The following ATF2 variants were observed in gnomAD, a reference collection of about 807,000 sequenced individuals.
ATF2 encodes cyclic AMP-dependent transcription factor ATF-2.
Under a neutral mutation model 60.6 loss-of-function variants are expected in ATF2, and 24 were observed. That is an observed-to-expected ratio of 0.40 (90% CI 0.29 to 0.56). The LOEUF (loss-of-function observed/expected upper bound fraction) is 0.56. Ranked by LOEUF, ATF2 falls within the 20% of genes least tolerant of loss-of-function variation. ATF2 has a pLI of 0.54. For synonymous variants in ATF2, 206 were observed against 215.4 expected (o/e 0.96, Z 0.38); for missense variants, 433 against 607.7 (o/e 0.71, Z 3.02).
chr2:175,160,733 A>C (rs535178653), intron 1 of ATF2, among the ~76,000 whole-genome samples: 1 of 152,158 alleles, frequency 6.6e-6, no homozygotes, highest in East Asian at 1.9e-4. Context: ...AATGTTTATA[A>C]TAGGATTGGT....
At chr2:175,128,499 T>C (rs1697506948) in intron 4 of ATF2, among the ~76,000 whole-genome samples, 1 of 136,870 alleles carries the variant, frequency 7.3e-6, no homozygotes, top group Non-Finnish European at 1.5e-5. Context: ...AAATTCCGTC[T>C]CAAAAAAAAA....
chr2:175,149,516 C>A (rs1037019287), intron 2 of ATF2, among the ~76,000 whole-genome samples: 1 of 152,100 alleles, frequency 6.6e-6, no homozygotes, highest in African/African-American at 2.4e-5. Flanking sequence ...CATAAGAAAA[C>A]TGGCAAAAAA....
chr2:175,123,135 C>T (rs1389128007), intron 4 of ATF2, among the ~76,000 whole-genome samples: 1 of 152,034 alleles, frequency 6.6e-6, no homozygotes. Flanking sequence ...CAGGTACTGT[C>T]TTCCTATTAC....
intron 2 of ATF2, among the ~76,000 whole-genome samples, chr2:175,144,288 A>G (rs886185493): frequency 4.6e-5 from 7 of 152,200 alleles, no homozygotes; most frequent in African/African-American, 7.2e-5. Flanking sequence ...GAGGTCAAAA[A>G]TGGGACAAAA....
Position 175,072,801 on chromosome 2 carries a change from T to A in ATF2, c.*1808A>T, listed in dbSNP as rs931665148. 6 of 152,232 alleles carry A rather than the reference T, an allele frequency of 3.9e-5. No individual in the cohort carries two copies. The highest frequency in any genetic ancestry group is 3.4e-3 in the Middle Eastern group (1 of 294). The allele number at this position is 152,232 out of a possible 1,614,324, so 9.4% of individuals were successfully genotyped here. A position where few individuals can be genotyped will look rare whatever the true frequency, so the allele number is the denominator to read the frequency against. On this transcript the variant is annotated 3_prime_UTR_variant, in exon 14 of 14. Coordinates refer to ENST00000264110, the MANE Select transcript of ATF2 (RefSeq NM_001880.4). ...AAAATTAAAAATTTAAAAAAAATTA[T>A]CAAATAAAAATGCTCTCATTTTAAA...
At chr2:175,144,080 C>T (rs1698776931) in intron 2 of ATF2, among the ~76,000 whole-genome samples, 1 of 152,098 alleles carries the variant, frequency 6.6e-6, no homozygotes, top group Non-Finnish European at 1.5e-5. Flanking sequence ...AGGCATGAGG[C>T]ACTGCACCTG....
Position 175,093,035 on chromosome 2 carries a change from A to G in ATF2, c.1185+26T>C, listed in dbSNP as rs774086689. 6 of 1,585,570 alleles carry G rather than the reference A, an allele frequency of 3.8e-6. No individual in the cohort carries two copies. In the South Asian group the frequency reaches 7.0e-5, roughly 19 times the overall value. ...TCACAATTATTAAAAAAGAAATAAA[A>G]CAAAATTCACATATATGCACCATAC... On this transcript the variant is annotated intron_variant, in intron 12 of 13. Transcript: ENST00000264110.
At chr2:175,153,698 C>T (rs1401352169) in intron 1 of ATF2, among the ~76,000 whole-genome samples, 3 of 151,896 alleles carry the variant, frequency 2.0e-5, no homozygotes, top group Admixed American at 6.6e-5. Flanking sequence ...GGCATGGTGG[C>T]GGATGCCTGT....
At chr2:175,120,027 T>C (rs573649703) in intron 5 of ATF2, among the ~76,000 whole-genome samples, 14 of 151,722 alleles carry the variant, frequency 9.2e-5, no homozygotes, top group Middle Eastern at 3.4e-3. Context: ...CATCTCAACA[T>C]GTTAGTGAAA....
Position 175,128,010 on chromosome 2 carries a change from T to C in ATF2, c.102+2128A>G, listed in dbSNP as rs1273527084. Among the ~76,000 whole-genome samples the C allele has an allele frequency of 4.6e-5, 7 of 152,124 alleles. No homozygotes were observed. In the East Asian group the frequency reaches 1.3e-3, roughly 29 times the overall value. On this transcript the variant is annotated intron_variant, in intron 4 of 13. Transcript: ENST00000264110. ...CTGACTGGAACACTAACTGTAAAGC[T>C]AGAGTAATCAAAATGGTGTGGTACT...
intron 4 of ATF2, among the ~76,000 whole-genome samples, chr2:175,129,741 A>T (rs1355884124): frequency 6.6e-6 from 1 of 152,100 alleles, no homozygotes; most frequent in African/African-American, 2.4e-5. Context: ...TGATACTCTA[A>T]GAAGTAAATA....
At chr2:175,141,795 T>C (rs1253327642) in intron 2 of ATF2, among the ~76,000 whole-genome samples, 1 of 142,128 alleles carries the variant, frequency 7.0e-6, no homozygotes, top group African/African-American at 3.1e-5. Context: ...GCCTGGTCCC[T>C]ATAAATATAT....
At chr2:175,158,386 C>A (rs905591139) in intron 1 of ATF2, among the ~76,000 whole-genome samples, 2 of 151,876 alleles carry the variant, frequency 1.3e-5, no homozygotes, top group Admixed American at 6.6e-5. Flanking sequence ...TGCCACCACA[C>A]CCAGCTAAAT....
intron 2 of ATF2, among the ~76,000 whole-genome samples, chr2:175,147,257 C>T (rs1327120376): frequency 6.6e-6 from 1 of 152,152 alleles, no homozygotes; most frequent in African/African-American, 2.4e-5. Context: ...TTAATTCTAT[C>T]ACTGAAGTGA....
At chr2:175,145,069 T>C (rs1309397210) in intron 2 of ATF2, among the ~76,000 whole-genome samples, 1 of 152,202 alleles carries the variant, frequency 6.6e-6, no homozygotes, top group East Asian at 1.9e-4. Flanking sequence ...TAATGGTAAC[T>C]TATGGCTCTC....
At chr2:175,115,483 C>A (rs968545944) in intron 7 of ATF2, among the ~76,000 whole-genome samples, 1 of 152,056 alleles carries the variant, frequency 6.6e-6, no homozygotes, top group African/African-American at 2.4e-5. Flanking sequence ...AATTTGTCAG[C>A]CAAGACCTTA....
chr2:175,131,369 A>G (rs1697714613), intron 3 of ATF2, among the ~76,000 whole-genome samples: 5 of 152,198 alleles, frequency 3.3e-5, no homozygotes, highest in Admixed American at 2.6e-4. Flanking sequence ...TCTTACATCC[A>G]TCAGAGAAAT....
At chr2:175,100,816 T>C (rs992165891) in intron 10 of ATF2, among the ~76,000 whole-genome samples, 5 of 152,166 alleles carry the variant, frequency 3.3e-5, no homozygotes, top group African/African-American at 1.2e-4. Context: ...TCAGGACAAA[T>C]ACAGAATGTG....
chr2:175,144,677 T>G (rs1698827699), intron 2 of ATF2, among the ~76,000 whole-genome samples: 1 of 152,088 alleles, frequency 6.6e-6, no homozygotes, highest in African/African-American at 2.4e-5. Flanking sequence ...GGGAGATAGA[T>G]GAGTTGAGGG....
Sources: gnomAD v4.1 joint callset for allele counts (sites outside exome capture counted in the v4.1 genomes callset) on GRCh38, gnomAD v4.1.1 for gene constraint, MANE v1.5 for transcripts, NCBI Gene and HGNC (gene_info 2026-07-23, HGNC 2026-07-21) for gene names.